RGS7: variants seen among roughly 807,000 people sequenced by gnomAD.
The protein encoded by RGS7 is regulator of G protein signaling 7.
In RGS7, 27 loss-of-function variants were observed where a neutral mutation model predicts 81.1. The observed-to-expected ratio is 0.33, with a 90% CI of 0.25 to 0.46. The LOEUF (loss-of-function observed/expected upper bound fraction) is 0.46. Ranked by LOEUF, RGS7 falls within the 20% of genes least tolerant of loss-of-function variation. The probability of loss-of-function intolerance (pLI) is 1.00; values close to 1 mark genes in which losing one functional copy is unlikely to be tolerated. For missense variants in RGS7, 396 were observed against 607.4 expected, an observed-to-expected ratio of 0.65 and a Z score of 3.66; for synonymous variants, 208 against 207.7, an observed-to-expected ratio of 1.00 and a Z score of -0.01.
At chr1:241,182,214 G>A (rs1045505426) in intron 2 of RGS7, among the ~76,000 whole-genome samples, 4 of 152,126 alleles carry the variant, frequency 2.6e-5, no homozygotes, top group Non-Finnish European at 5.9e-5. Context: ...CTCAGCTACT[G>A]TCCGCTCTAC....
chr1:240,952,478 G>A (rs1280629535), intron 4 of RGS7, among the ~76,000 whole-genome samples: 1 of 151,896 alleles, frequency 6.6e-6, no homozygotes, highest in African/African-American at 2.4e-5. Flanking sequence ...TAGAACAGCT[G>A]CTAAAAACTT....
intron 2 of RGS7, among the ~76,000 whole-genome samples, chr1:241,205,709 C>A (rs958737258): frequency 6.6e-6 from 1 of 152,142 alleles, no homozygotes; most frequent in Admixed American, 6.5e-5. Flanking sequence ...GATCCACCCA[C>A]CTCAGCCTCC....
intron 6 of RGS7, among the ~76,000 whole-genome samples, 182 bp from the exon 7 acceptor site, chr1:240,870,301 T>G (rs1034629629): frequency 9.2e-5 from 14 of 152,186 alleles, no homozygotes; most frequent in African/African-American, 3.4e-4. Context: ...TCATAGTATT[T>G]ATGATACCCT....
chr1:241,154,213 G>A (rs927050616), intron 2 of RGS7, among the ~76,000 whole-genome samples: 1 of 152,182 alleles, frequency 6.6e-6, no homozygotes, highest in Non-Finnish European at 1.5e-5. Context: ...CAGGATAGTG[G>A]AGGCTCGCTC....
intron 6 of RGS7, among the ~76,000 whole-genome samples, chr1:240,923,921 A>T (rs140489940): frequency 7.2e-4 from 109 of 152,304 alleles, no homozygotes; most frequent in African/African-American, 2.5e-3. Flanking sequence ...CTGTTATTTT[A>T]TCAGCTATTC....
At position 241,271,884 on chromosome 1, in the gene RGS7, C is replaced by CGTGTGTGTGTGT. The variant is rs373357799; in HGVS notation, c.78+83803_78+83814dup. ...AATCACACAAGCCAAATCTTTATAA[C>CGTGTGTGTGTGT]GTGTGTGTGTGTGTGTGTGTGTGTG... is the stretch of plus-strand genomic sequence containing the variant. On this transcript the variant is annotated intron_variant, in intron 2 of 18. Transcript: ENST00000440928. This position sits in a 1 kb window ranked among gnomAD's most constrained non-coding sequence, Gnocchi z 4.6. Among the ~76,000 whole-genome samples, 13 of 140,378 alleles carry CGTGTGTGTGTGT rather than the reference C, an allele frequency of 9.3e-5. No individual in the cohort carries two copies. The highest frequency in any genetic ancestry group is 3.5e-4 in the African/African-American group (13 of 36,980). 92.1% of individuals were successfully genotyped at this position (140,378 alleles called of 152,430 possible).
At chr1:240,933,150 G>A (rs1012561455) in intron 5 of RGS7, among the ~76,000 whole-genome samples, 3 of 151,512 alleles carry the variant, frequency 2.0e-5, no homozygotes, top group Non-Finnish European at 2.9e-5. Flanking sequence ...ACAAAGTGCT[G>A]GGATTACAGG....
chr1:240,846,332 T>A (rs1397945686), intron 9 of RGS7, among the ~76,000 whole-genome samples: 5 of 152,186 alleles, frequency 3.3e-5, no homozygotes, highest in African/African-American at 1.2e-4. Context: ...AAAATATAAG[T>A]GAGTGGTGAG....
At chr1:240,871,195 T>A (rs1260988862) in intron 6 of RGS7, among the ~76,000 whole-genome samples, 1 of 152,222 alleles carries the variant, frequency 6.6e-6, no homozygotes. Context: ...TTGAGTCTCA[T>A]GAAACTCAAG....
intron 2 of RGS7, among the ~76,000 whole-genome samples, chr1:241,328,009 T>C (rs1007463001): frequency 1.3e-5 from 2 of 152,228 alleles, no homozygotes; most frequent in African/African-American, 4.8e-5. Context: ...TTTGTTTTTA[T>C]AAAAGAGTAC....
intron 4 of RGS7, among the ~76,000 whole-genome samples, chr1:240,955,425 G>A (rs1041659303): frequency 6.6e-5 from 10 of 151,920 alleles, no homozygotes; most frequent in African/African-American, 9.7e-5. Flanking sequence ...GGTGGTGGGC[G>A]CCTGTAGTCT....
At chr1:241,209,660 AC>A (rs1404323326) in intron 2 of RGS7, among the ~76,000 whole-genome samples, 5 of 151,888 alleles carry the variant, frequency 3.3e-5, no homozygotes, top group Admixed American at 3.3e-4. Flanking sequence ...ACATAGCAAA[AC>A]CATGTAAGTA....
chr1:241,091,566 T>C lies in RGS7; in HGVS notation c.175+7100A>G, dbSNP rs1317562925. Reference sequence around the variant, plus strand: ...CTGTCTCAATAAATAAATAAATAAATAAATAAATAAATAAATAAATAAATA... The same window carrying C: ...CTGTCTCAATAAATAAATAAATAAACAAATAAATAAATAAATAAATAAATA... On this transcript the variant is annotated intron_variant, in intron 3 of 18. Coordinates refer to ENST00000440928, the MANE Select transcript of RGS7 (RefSeq NM_001364886.1). 2.7e-5 allele frequency among the ~76,000 whole-genome samples: 4 copies of C among 146,950 alleles called. No individual in the cohort carries two copies. In the East Asian group the frequency reaches 7.9e-4, roughly 29 times the overall value.
chr1:241,166,399 A>C (rs1038123360), intron 2 of RGS7, among the ~76,000 whole-genome samples: 1 of 152,204 alleles, frequency 6.6e-6, no homozygotes, highest in East Asian at 1.9e-4. Flanking sequence ...ACTCCGGAGT[A>C]GATCTGAGGT....
intron 4 of RGS7, among the ~76,000 whole-genome samples, chr1:240,940,372 C>T (rs1223902527): frequency 6.6e-6 from 1 of 152,138 alleles, no homozygotes; most frequent in Admixed American, 6.5e-5. Flanking sequence ...TGCCTGGTAT[C>T]CACCTGGTCT....
chr1:240,978,258 C>T (rs1684435838), intron 4 of RGS7, among the ~76,000 whole-genome samples: 1 of 152,042 alleles, frequency 6.6e-6, no homozygotes, highest in Non-Finnish European at 1.5e-5. Context: ...ATTCACAAAA[C>T]AAATTCACAA....
chr1:241,004,009 C>T (rs1280455635), intron 3 of RGS7, among the ~76,000 whole-genome samples: 1 of 152,160 alleles, frequency 6.6e-6, no homozygotes, highest in African/African-American at 2.4e-5. Flanking sequence ...AGCCACCGTG[C>T]CCGGCCACTC....
intron 2 of RGS7, among the ~76,000 whole-genome samples, chr1:241,158,713 T>G (rs550016275): frequency 6.6e-6 from 1 of 152,168 alleles, no homozygotes; most frequent in African/African-American, 2.4e-5. Flanking sequence ...CCTGACCTTT[T>G]CCCTACCAGT....
chr1:241,255,513 T>C (rs1285069157), intron 2 of RGS7, among the ~76,000 whole-genome samples: 1 of 152,148 alleles, frequency 6.6e-6, no homozygotes, highest in African/African-American at 2.4e-5. Context: ...TGAGCAGGCC[T>C]GAACTTGAGG....
Sources: allele counts gnomAD v4.1 joint callset (sites outside exome capture counted in the v4.1 genomes callset), GRCh38; gene constraint gnomAD v4.1.1; non-coding constraint Gnocchi (gnomAD v3.1); transcripts MANE v1.5; gene names NCBI Gene and HGNC (gene_info 2026-07-23, HGNC 2026-07-21).